The following SLC38A6 variants were observed in gnomAD, a reference collection of about 807,000 sequenced individuals.
SLC38A6 encodes N system amino acid transporter NAT-1.
In SLC38A6, 73 loss-of-function variants were observed where a neutral mutation model predicts 65.0. The observed-to-expected ratio is 1.12, with a 90% CI of 0.93 to 1.37. The LOEUF (loss-of-function observed/expected upper bound fraction) is 1.37, where lower values mean the gene tolerates loss of function less well. SLC38A6 is among the 40% of genes most tolerant of loss of function. The pLI, the probability that SLC38A6 is intolerant of heterozygous loss-of-function variation, is 0.00. For synonymous variants in SLC38A6, 183 were observed against 178.8 expected (o/e 1.02, Z -0.19); for missense variants, 561 against 531.1 (o/e 1.06, Z -0.55).
chr14:61,048,276 G>A (rs1159691628), intron 12 of SLC38A6: 2 of 378,458 alleles, frequency 5.3e-6, no homozygotes, highest in African/African-American at 2.1e-5. Flanking sequence ...GAGAGGTGAA[G>A]TGACCTGTCA....
intron 3 of SLC38A6, among the ~76,000 whole-genome samples, chr14:61,005,553 G>A (rs976010001): frequency 6.6e-6 from 1 of 151,510 alleles, no homozygotes; most frequent in Non-Finnish European, 1.5e-5. Context: ...CAAACAGAGA[G>A]CCAAATCATG....
chr14:60,994,485 C>T (rs1365509143), intron 3 of SLC38A6, among the ~76,000 whole-genome samples: 3 of 152,010 alleles, frequency 2.0e-5, no homozygotes, highest in Non-Finnish European at 2.9e-5. Flanking sequence ...TTGGAGGTTG[C>T]GGTGAGCTGA....
chr14:61,047,401 C>G (rs748360509), intron 12 of SLC38A6, among the ~76,000 whole-genome samples: 1 of 152,100 alleles, frequency 6.6e-6, no homozygotes, highest in Non-Finnish European at 1.5e-5. Context: ...TATATATACT[C>G]CCTAACTTAA....
intron 5 of SLC38A6, among the ~76,000 whole-genome samples, chr14:61,021,023 T>G (rs2040317292): frequency 1.3e-5 from 2 of 152,184 alleles, no homozygotes; most frequent in Non-Finnish European, 2.9e-5. Flanking sequence ...TGTTCTCTAA[T>G]CTTGTTTATA....
intron 3 of SLC38A6, among the ~76,000 whole-genome samples, chr14:61,009,219 C>G (rs1022441408): frequency 2.0e-5 from 3 of 152,074 alleles, no homozygotes; most frequent in Non-Finnish European, 4.4e-5. Flanking sequence ...TGCCTAAGAT[C>G]ACAAATTTAC....
At chr14:61,076,151 G>A (rs968981004) in intron 15 of SLC38A6, among the ~76,000 whole-genome samples, 6 of 152,028 alleles carry the variant, frequency 3.9e-5, no homozygotes, top group Admixed American at 1.3e-4. Flanking sequence ...CACCACACCC[G>A]GCCTTCAACT....
At chr14:61,081,764 A>G (rs1280784999) in intron 16 of SLC38A6, among the ~76,000 whole-genome samples, 1 of 152,134 alleles carries the variant, frequency 6.6e-6, no homozygotes, top group East Asian at 1.9e-4. Flanking sequence ...TTTTACCCTC[A>G]CAATTCCAAA....
chr14:61,061,969 C>G lies in SLC38A6; in HGVS notation c.1290+9834C>G, dbSNP rs879671340. Among the ~76,000 whole-genome samples the G allele has an allele frequency of 3.9e-5, 6 of 152,188 alleles. No individual in the cohort carries two copies. In the East Asian group the frequency reaches 9.7e-4, roughly 25 times the overall value. On this transcript the variant is annotated intron_variant, in intron 15 of 16. Coordinates refer to the SLC38A6 transcript ENST00000354886. ...TCTCATGCCTCAGCCTCCCCAGTAGCTGGGATTACAGGCACCCACCACTAC... is the reference window on the plus strand; with the variant it reads ...TCTCATGCCTCAGCCTCCCCAGTAGGTGGGATTACAGGCACCCACCACTAC...
intron 16 of SLC38A6, among the ~76,000 whole-genome samples, chr14:61,079,684 A>G (rs1327612308): frequency 6.6e-6 from 1 of 152,202 alleles, no homozygotes; most frequent in African/African-American, 2.4e-5. Context: ...ACCCTGCGAC[A>G]GCCTTTAGGA....
intron 13 of SLC38A6, among the ~76,000 whole-genome samples, chr14:61,051,411 T>C (rs2042500965): frequency 6.6e-6 from 1 of 152,194 alleles, no homozygotes; most frequent in Admixed American, 6.5e-5. Context: ...GGTATTTCTT[T>C]CCCATGGCAT....
intron 3 of SLC38A6, among the ~76,000 whole-genome samples, chr14:60,995,038 A>T (rs1422909402): frequency 6.7e-6 from 1 of 149,518 alleles, no homozygotes; most frequent in Non-Finnish European, 1.5e-5. Context: ...AGAAGAAATG[A>T]GGCATCAAGC....
At position 61,015,921 on chromosome 14, in the gene SLC38A6, G is replaced by A; in HGVS notation, c.328G>A (p.Asp110Asn). 1 of 1,608,382 alleles carries A rather than the reference G, an allele frequency of 6.2e-7. No homozygotes were observed. Among genetic ancestry groups the A allele is most frequent in the South Asian group, 1.1e-5 (1 of 89,494 alleles). Residue 110 changes from aspartate (D) to asparagine (N), a missense_variant, in exon 4 of 16, where the codon GAT becomes AAT. Physicochemically the swap from Asp to Asn is conservative, Grantham distance 23. Coordinates refer to ENST00000267488, the MANE Select transcript of SLC38A6 (RefSeq NM_153811.3). Reference sequence around the variant, plus strand: ...CTTAACAGCTGTAACATCTTATGAAGATCTTGGACTCTTTGCATTTGGATT... The same window carrying A: ...CTTAACAGCTGTAACATCTTATGAAAATCTTGGACTCTTTGCATTTGGATT... ...CIQTAVTSYE[D>N]LGLFAFGLPG...
chr14:61,055,106 C>CTTTTTTTTTTTTTTT (rs1280245361), downstream of SLC38A6, among the ~76,000 whole-genome samples: 3 of 63,282 alleles, frequency 4.7e-5, 1 homozygote, highest in Non-Finnish European at 5.9e-5. Flanking sequence ...AAGTCTTTTT[C>CTTTTTTTTTTTTTTT]TTTTTTTTTT....
At position 61,069,472 on chromosome 14, in the gene SLC38A6, C is replaced by G. The variant is rs551173014; in HGVS notation, c.1291-9338C>G. ...ACGTATGTTCTACAATACCCTTAAA[C>G]TGTTTTTTCTGTCTAGCACTTGATT... On this transcript the variant is annotated intron_variant, in intron 15 of 16. Transcript: ENST00000354886. Among the ~76,000 whole-genome samples, 3 of 152,234 alleles carry G rather than the reference C, an allele frequency of 2.0e-5. No individual in the cohort carries two copies. The South Asian group carries it at 6.2e-4, about 32-fold the overall frequency.
intron 3 of SLC38A6, among the ~76,000 whole-genome samples, chr14:61,002,593 A>G (rs144560028): frequency 6.6e-6 from 1 of 152,274 alleles, no homozygotes; most frequent in East Asian, 1.9e-4. Context: ...AGCTGGAAAT[A>G]TTCCACTATT....
At chr14:61,037,517 C>T (rs1380522020) in intron 7 of SLC38A6, 108 bp from the exon 8 acceptor site, 1 of 723,902 alleles carries the variant, frequency 1.4e-6, no homozygotes, top group Non-Finnish European at 2.3e-6. Flanking sequence ...CCCTAAGCCC[C>T]AGATACCAAC....
intron 15 of SLC38A6, among the ~76,000 whole-genome samples, chr14:61,070,629 C>G (rs1594787300): frequency 6.6e-6 from 1 of 152,158 alleles, no homozygotes; most frequent in African/African-American, 2.4e-5. Flanking sequence ...TTTGAAGAAT[C>G]TCTATACTGG....
intron 3 of SLC38A6, among the ~76,000 whole-genome samples, chr14:60,994,525 A>G (rs1470919932): frequency 6.6e-6 from 1 of 152,042 alleles, no homozygotes; most frequent in Non-Finnish European, 1.5e-5. Flanking sequence ...AGCCTGAGCA[A>G]CAAGAGCAAA....
chr14:61,000,853 G>C (rs756700053), intron 3 of SLC38A6, among the ~76,000 whole-genome samples: 114 of 152,288 alleles, frequency 7.5e-4, no homozygotes, highest in Non-Finnish European at 1.3e-3. Flanking sequence ...GACAATCACA[G>C]AAGAATTAAA....
Sources: gnomAD v4.1 joint callset for allele counts (sites outside exome capture counted in the v4.1 genomes callset) on GRCh38, gnomAD v4.1.1 for gene constraint, MANE v1.5 for transcripts, NCBI Gene and HGNC (gene_info 2026-07-23, HGNC 2026-07-21) for gene names.